The following ACACA variants were observed in gnomAD, a reference collection of about 807,000 sequenced individuals.
ACACA encodes acetyl-CoA carboxylase alpha.
ACACA carries 103 observed loss-of-function variants against 296.1 expected under a neutral mutation model. That is an observed-to-expected ratio of 0.35 (90% CI 0.30 to 0.41). The LOEUF (loss-of-function observed/expected upper bound fraction) is 0.41. Among genes scored for constraint, ACACA ranks in the 10% least tolerant of loss-of-function variants. The pLI is 1.00. For synonymous variants in ACACA, 953 were observed against 1,038.6 expected, an observed-to-expected ratio of 0.92 and a Z score of 1.58; for missense variants, 1,554 against 2,989.7, an observed-to-expected ratio of 0.52 and a Z score of 11.20.
At chr17:37,280,594 G>A (rs1412176576) in intron 5 of ACACA, among the ~76,000 whole-genome samples, 2 of 152,062 alleles carry the variant, frequency 1.3e-5, no homozygotes, top group African/African-American at 4.8e-5. Flanking sequence ...ATGGTATCAA[G>A]GATTTGCATC....
rs530279895 is a variant in ACACA, at chr17:37,249,205, G to A, written c.2082-531C>T. Among the ~76,000 whole-genome samples the A allele has an allele frequency of 1.2e-4, 18 of 152,176 alleles. No individual in the cohort carries two copies. In the South Asian group the frequency reaches 2.3e-3, roughly 19 times the overall value. ...TGTCAGAATTTCCTTCTTCTTTAAG[G>A]CTGAATAATACTGTATTGTATGTAT... On this transcript the variant is annotated intron_variant, in intron 16 of 55. Transcript: ENST00000616317.
intron 3 of ACACA, among the ~76,000 whole-genome samples, chr17:37,294,330 T>C (rs578187789): frequency 6.6e-6 from 1 of 152,368 alleles, no homozygotes; most frequent in African/African-American, 2.4e-5. Flanking sequence ...AGTAAAGTTA[T>C]ACTTAAGTCA....
In ACACA at chr17:37,328,016, T is replaced by C. The variant is rs909425721; in HGVS notation, c.338+2157A>G. ...AATAAAAAATGTTTACATAAAGACC[T>C]AATCCCTTTTCCCTGCCACTAAAAT... On this transcript the variant is annotated intron_variant, in intron 3 of 55. Transcript: ENST00000616317. Among the ~76,000 whole-genome samples the C allele has an allele frequency of 2.0e-5, 3 of 152,288 alleles. No homozygotes were observed. In the East Asian group the frequency reaches 5.8e-4, roughly 29 times the overall value.
intron 39 of ACACA, among the ~76,000 whole-genome samples, chr17:37,187,728 C>T (rs906406898): frequency 1.3e-5 from 2 of 152,088 alleles, no homozygotes; most frequent in African/African-American, 4.8e-5. Context: ...AAGGGAACAA[C>T]ATAATAGATA....
chr17:37,168,769 T>C (rs2076778730), intron 41 of ACACA, among the ~76,000 whole-genome samples: 1 of 152,200 alleles, frequency 6.6e-6, no homozygotes, highest in African/African-American at 2.4e-5. Context: ...AATGATGTGG[T>C]AGAGTGTAAA....
Position 37,350,731 on chromosome 17 carries a change from C to T in ACACA, c.39-10881G>A, listed in dbSNP as rs925383222. 1.3e-5 allele frequency among the ~76,000 whole-genome samples: 2 copies of T among 152,060 alleles called. 1 individual carries two copies. Among genetic ancestry groups the T allele is most frequent in the Middle Eastern group, 6.8e-3 (2 of 294 alleles). On this transcript the variant is annotated intron_variant, in intron 1 of 55. Coordinates refer to ENST00000616317, the MANE Select transcript of ACACA (RefSeq NM_198834.3). Reference sequence around the variant, plus strand: ...GCGCATGCCTGTAATCCCAGCTACTCGGGAGGCTGAGGCAGGAGAATCGCT... The same window carrying T: ...GCGCATGCCTGTAATCCCAGCTACTTGGGAGGCTGAGGCAGGAGAATCGCT...
chr17:37,288,027 G>T (rs1030234050), intron 3 of ACACA, among the ~76,000 whole-genome samples: 1 of 152,182 alleles, frequency 6.6e-6, no homozygotes, highest in Admixed American at 6.5e-5. Flanking sequence ...CAAGGAGAAT[G>T]ATTTGTCTAA....
chr17:37,141,684 A>T (rs1203810160), intron 45 of ACACA, among the ~76,000 whole-genome samples: 1 of 152,124 alleles, frequency 6.6e-6, no homozygotes, highest in Non-Finnish European at 1.5e-5. Flanking sequence ...AAGAACAATC[A>T]AAAGTTTTTT....
chr17:37,379,377 G>C, intron 1 of ACACA: 1 of 1,613,390 alleles, frequency 6.2e-7, no homozygotes, highest in Middle Eastern at 1.6e-4. Flanking sequence ...CTTCTAAAAG[G>C]CAAAGGTGAG....
intron 1 of ACACA, among the ~76,000 whole-genome samples, chr17:37,405,855 CTTTTTTTTT>C (rs3049528): frequency 3.7e-5 from 2 of 53,560 alleles, no homozygotes; most frequent in Admixed American, 2.4e-4. Context: ...CCCGGCAGGG[CTTTTTTTTT>C]TTTTTTTTTT....
At chr17:37,242,196 C>T (rs1256088869) in intron 22 of ACACA, 143 bp from the exon 23 acceptor site, 3 of 710,438 alleles carry the variant, frequency 4.2e-6, no homozygotes, top group Non-Finnish European at 7.6e-6. Context: ...CTGGAAGTTA[C>T]CAGGCGTAGT....
At chr17:37,201,939 T>G (rs1044606697) in intron 33 of ACACA, among the ~76,000 whole-genome samples, 1 of 152,168 alleles carries the variant, frequency 6.6e-6, no homozygotes, top group Non-Finnish European at 1.5e-5. Flanking sequence ...AAACAAAAGA[T>G]AACTGGAAAA....
At chr17:37,339,920 C>A in intron 1 of ACACA, 70 bp from the exon 2 acceptor site, 2 of 807,934 alleles carry the variant, frequency 2.5e-6, no homozygotes, top group South Asian at 1.5e-5. Flanking sequence ...TCCTGTTTTG[C>A]TCAGCATAAT....
chr17:37,228,206 CTT>C (rs11299899), intron 25 of ACACA, among the ~76,000 whole-genome samples: 27,258 of 105,638 alleles, frequency 0.26, 2,206 homozygotes, highest in South Asian at 0.36. Context: ...TTCTCAAACC[CTT>C]TTTTTTTTTT....
chr17:37,146,317 C>T (rs995215432), intron 45 of ACACA, among the ~76,000 whole-genome samples: 7 of 151,936 alleles, frequency 4.6e-5, no homozygotes, highest in African/African-American at 1.5e-4. Context: ...GTCTCTTCAG[C>T]TTCATATCTA....
chr17:37,391,367 T>C (rs1298949870), intron 1 of ACACA, among the ~76,000 whole-genome samples: 3 of 152,248 alleles, frequency 2.0e-5, no homozygotes, highest in African/African-American at 7.2e-5. Context: ...GAAGAGGTTA[T>C]GTGACTTCCC....
chr17:37,341,183 A>G (rs150729857), intron 1 of ACACA, among the ~76,000 whole-genome samples: 1,589 of 152,328 alleles, frequency 0.01, 33 homozygotes, highest in African/African-American at 0.035. Flanking sequence ...CTATAATGCA[A>G]TAGGCCAGTG....
chr17:37,126,689 G>C (rs2074803217), intron 47 of ACACA, among the ~76,000 whole-genome samples: 1 of 151,994 alleles, frequency 6.6e-6, no homozygotes, highest in African/African-American at 2.4e-5. Flanking sequence ...ATCTGAGCAA[G>C]CTAACCTCTG....
intron 50 of ACACA, among the ~76,000 whole-genome samples, chr17:37,115,585 C>T (rs1429938854): frequency 6.6e-6 from 1 of 152,120 alleles, no homozygotes; most frequent in African/African-American, 2.4e-5. Flanking sequence ...GACTTAGCTA[C>T]AACAAAATCT....
Sources: gnomAD v4.1 joint callset for allele counts (sites outside exome capture counted in the v4.1 genomes callset) on GRCh38, gnomAD v4.1.1 for gene constraint, MANE v1.5 for transcripts, NCBI Gene and HGNC (gene_info 2026-07-23, HGNC 2026-07-21) for gene names.